The following PTP4A1 variants were observed in gnomAD, a reference collection of about 807,000 sequenced individuals.
The protein encoded by PTP4A1 is protein tyrosine phosphatase type IVA 1.
In PTP4A1, 9 loss-of-function variants were observed where a neutral mutation model predicts 20.5. The observed-to-expected ratio is 0.44, with a 90% CI of 0.26 to 0.77. The LOEUF is 0.77. Ranked by LOEUF, PTP4A1 falls within the 30% of genes least tolerant of loss-of-function variation. PTP4A1 has a pLI of 0.19. For missense variants in PTP4A1, 137 were observed against 218.8 expected (o/e 0.63, Z 2.36); for synonymous variants, 78 against 67.4 (o/e 1.16, Z -0.77).
rs201948868 is a variant in PTP4A1 at position 63,578,945 on chromosome 6, T to C, written c.246T>C (p.Asp82=). Residue 82 remains aspartate, a synonymous_variant, in exon 4 of 6, where the codon GAT becomes GAC. Transcript: ENST00000626021. The part of the protein sequence containing the change: ...DGAPPSNQIV[D]DWLSLVKIKF... ...CACCACCATCCAACCAGATTGTTGA[T>C]GACTGGTTAAGTCTTGTGAAAATTA... The C allele has an allele frequency of 2.3e-4, 375 of 1,603,420 alleles. No individual in the cohort carries two copies. Among genetic ancestry groups the C allele is most frequent in the Non-Finnish European group, 2.9e-4 (343 of 1,175,932 alleles).
Position 63,534,967 on chromosome 6 carries a change from G to A in PTP4A1, c.-640+6883G>A, listed in dbSNP as rs936720964. 2.0e-5 allele frequency among the ~76,000 whole-genome samples: 3 copies of A among 152,114 alleles called. No individual in the cohort carries two copies. The East Asian group carries it at 5.8e-4, about 29-fold the overall frequency. On this transcript the variant is annotated intron_variant, in intron 2 of 3. Coordinates refer to the PTP4A1 transcript ENST00000639568. ...CCCAGCTACTCTGGAAGCTGAGGCA[G>A]GAGAATTGCTTAAACCCAGGAGGCA...
chr6:63,534,635 C>T (rs925030795), intron 2 of PTP4A1, among the ~76,000 whole-genome samples: 4 of 151,916 alleles, frequency 2.6e-5, no homozygotes, highest in African/African-American at 7.3e-5. Flanking sequence ...TAGCAAGACA[C>T]CATGTCTCTA....
chr6:63,555,764 G>T (rs924042810), intron 3 of PTP4A1, among the ~76,000 whole-genome samples: 3 of 150,930 alleles, frequency 2.0e-5, no homozygotes, highest in Non-Finnish European at 4.4e-5. Context: ...CGTGATCCCG[G>T]CTCACTGCAA....
chr6:63,576,338 A>G (rs888709541), intron 1 of PTP4A1, 98 bp from the exon 2 acceptor site: 8 of 394,508 alleles, frequency 2.0e-5, no homozygotes, highest in African/African-American at 1.4e-4. Context: ...CCTGCTTTAG[A>G]AAAATAGTTG....
intron 2 of PTP4A1, chr6:63,549,099 C>T (rs570369476): frequency 1.4e-5 from 10 of 705,892 alleles, no homozygotes; most frequent in Middle Eastern, 3.7e-4. Context: ...AACTCCTGCT[C>T]GAAGGACAGG....
At chr6:63,524,364 A>G (rs1775071006) in intron 1 of PTP4A1, among the ~76,000 whole-genome samples, 1 of 152,208 alleles carries the variant, frequency 6.6e-6, no homozygotes, top group South Asian at 2.1e-4. Context: ...GTATGAAAAA[A>G]TTATTTCATA....
upstream of PTP4A1, among the ~76,000 whole-genome samples, chr6:63,521,085 G>A (rs1036267869): frequency 1.3e-5 from 2 of 152,050 alleles, no homozygotes; most frequent in Non-Finnish European, 2.9e-5. Context: ...GCCTGTCACG[G>A]GGTGGGGGAA....
At chr6:63,520,004 A>C (rs143677842), upstream of PTP4A1, among the ~76,000 whole-genome samples, 2 of 152,234 alleles carry the variant, frequency 1.3e-5, no homozygotes, top group African/African-American at 4.8e-5. Flanking sequence ...GATTTAATGT[A>C]TCATCTACCT....
At chr6:63,535,365 T>G (rs888710640) in intron 2 of PTP4A1, among the ~76,000 whole-genome samples, 1 of 151,464 alleles carries the variant, frequency 6.6e-6, no homozygotes, top group African/African-American at 2.4e-5. Flanking sequence ...TCAACTTGGG[T>G]GCCTGAGGCA....
intron 3 of PTP4A1, among the ~76,000 whole-genome samples, chr6:63,555,258 A>G (rs1776629647): frequency 6.6e-6 from 1 of 152,202 alleles, no homozygotes; most frequent in African/African-American, 2.4e-5. Flanking sequence ...CAGGGCAAAC[A>G]TTTCCAACAT....
At chr6:63,533,182 T>C (rs1183245616) in intron 2 of PTP4A1, among the ~76,000 whole-genome samples, 1 of 152,138 alleles carries the variant, frequency 6.6e-6, no homozygotes, top group Non-Finnish European at 1.5e-5. Flanking sequence ...ACGAGTTCAA[T>C]ACAAGCTTGG....
chr6:63,525,954 A>G (rs1475790089), intron 1 of PTP4A1, among the ~76,000 whole-genome samples: 21 of 152,192 alleles, frequency 1.4e-4, no homozygotes, highest in Non-Finnish European at 7.3e-5. Context: ...CCAATTGTCA[A>G]TTGTTTAAAC....
At chr6:63,574,747 T>C (rs970600819) in intron 1 of PTP4A1, among the ~76,000 whole-genome samples, 2 of 152,232 alleles carry the variant, frequency 1.3e-5, no homozygotes, top group African/African-American at 4.8e-5. Context: ...CTTTTAAAGA[T>C]CATTGTATGT....
At chr6:63,554,976 G>A (rs1215952879) in intron 3 of PTP4A1, among the ~76,000 whole-genome samples, 4 of 152,196 alleles carry the variant, frequency 2.6e-5, no homozygotes, top group Admixed American at 2.6e-4. Flanking sequence ...AATGTCGGAA[G>A]TTCTGAAGCA....
At chr6:63,542,552 C>G (rs1776027081) in intron 2 of PTP4A1, among the ~76,000 whole-genome samples, 1 of 152,084 alleles carries the variant, frequency 6.6e-6, no homozygotes, top group Non-Finnish European at 1.5e-5. Context: ...CCCATGTTGC[C>G]TCTCTCCAAT....
At chr6:63,537,134 A>G (rs748404470) in intron 2 of PTP4A1, among the ~76,000 whole-genome samples, 6 of 152,262 alleles carry the variant, frequency 3.9e-5, no homozygotes, top group African/African-American at 7.2e-5. Flanking sequence ...AAGTGAATGA[A>G]TTAGAATAAT....
chr6:63,546,366 G>T lies in PTP4A1; in HGVS notation c.-639-3934G>T, dbSNP rs59043677. ...AGAAGCAGAGAGTAGAATGGTGGTTGCCAGGGGCTGAGGCTTGGGGAAAAA... is the reference window on the plus strand; with the variant it reads ...AGAAGCAGAGAGTAGAATGGTGGTTTCCAGGGGCTGAGGCTTGGGGAAAAA... On this transcript the variant is annotated intron_variant, in intron 2 of 3. Coordinates refer to the PTP4A1 transcript ENST00000639568. Among the ~76,000 whole-genome samples the T allele has an allele frequency of 1.7e-3, 261 of 152,300 alleles. 2 individuals carry two copies. The highest frequency in any genetic ancestry group is 6.0e-3 in the African/African-American group (251 of 41,578).
rs151022684 is a variant in PTP4A1 at position 63,537,853 on chromosome 6, G to C, written c.-640+9769G>C. On this transcript the variant is annotated intron_variant, in intron 2 of 3. Transcript: ENST00000639568. ...ACACCTCAACCGCCAAGAATCTGGC[G>C]AAAGGGCCACGGCCGTAGTGAGAGA... 5.8e-4 allele frequency among the ~76,000 whole-genome samples: 88 copies of C among 152,322 alleles called. No homozygotes were observed. In the East Asian group the frequency reaches 0.016, roughly 27 times the overall value.
chr6:63,579,908 G>T, intron 5 of PTP4A1, 149 bp from the exon 6 acceptor site: 1 of 635,924 alleles, frequency 1.6e-6, no homozygotes. Context: ...ACACTGATGT[G>T]CCTGTTCATA....
Sources: gnomAD v4.1 joint callset for allele counts (sites outside exome capture counted in the v4.1 genomes callset) on GRCh38, gnomAD v4.1.1 for gene constraint, MANE v1.5 for transcripts, NCBI Gene and HGNC (gene_info 2026-07-23, HGNC 2026-07-21) for gene names.